MRC1: variants seen among roughly 807,000 people sequenced by gnomAD.
The protein encoded by MRC1 is mannose receptor C-type 1.
A neutral mutation model predicts 102.9 loss-of-function variants in MRC1; 62 were observed. The ratio of observed to expected loss-of-function variants is 0.60; its 90% CI spans 0.49 to 0.74. The LOEUF is 0.74. MRC1 is among the 30% of genes least tolerant of loss of function. The probability of loss-of-function intolerance (pLI) is 0.00; values close to 1 mark genes in which losing one functional copy is unlikely to be tolerated. For synonymous variants in MRC1, 457 were observed against 298.4 expected, an observed-to-expected ratio of 1.53 and a Z score of -5.48; for missense variants, 1,237 against 862.8, an observed-to-expected ratio of 1.43 and a Z score of -5.43.
chr10:17,817,781 A>G (rs1169391670), intron 1 of MRC1, among the ~76,000 whole-genome samples: 2 of 152,308 alleles, frequency 1.3e-5, no homozygotes, highest in Admixed American at 1.3e-4. Context: ...ATTGGTATGG[A>G]CAAAAATAGA....
chr10:17,845,409 C>T lies in MRC1; in HGVS notation c.1037C>T (p.Thr346Ile). 1.3e-6 allele frequency: 1 copy of T among 780,850 alleles called. No individual in the cohort carries two copies. The highest frequency in any genetic ancestry group is 1.3e-5 in the South Asian group (1 of 74,618). The allele number at this position is 780,850 out of a possible 1,614,324, so 48.4% of individuals were successfully genotyped here. The change falls in exon 6 of 30, where the codon ACT becomes ATT. Residue 346 changes from threonine to isoleucine, a missense_variant. Transcript: ENST00000569591. ...TATATTTGCAAAAAGGGCAACACCACTTTAAATTCTTTTGTTATTCCCTCA... is the reference window on the plus strand; with the variant it reads ...TATATTTGCAAAAAGGGCAACACCATTTTAAATTCTTTTGTTATTCCCTCA... ...LGYICKKGNTTLNSFVIPSES... is the reference protein window; with the variant it reads ...LGYICKKGNTILNSFVIPSES...
intron 28 of MRC1, 135 bp from the exon 29 acceptor site, chr10:17,909,171 A>G: frequency 5.9e-6 from 4 of 673,944 alleles, no homozygotes; most frequent in Non-Finnish European, 8.1e-6. Context: ...TTTTATATCT[A>G]TCATATCATA....
chr10:17,886,305 TTCCTTCCTTCCC>T (rs1431893353), intron 22 of MRC1, among the ~76,000 whole-genome samples: 1 of 151,350 alleles, frequency 6.6e-6, no homozygotes, highest in Non-Finnish European at 1.5e-5. Flanking sequence ...CCTTCCTTCC[TTCCTTCCTTCCC>T]TCCTTCCTTC....
At chr10:17,838,970 C>T (rs1554839654) in intron 4 of MRC1, among the ~76,000 whole-genome samples, 51,201 of 151,968 alleles carry the variant, frequency 0.34, 8,890 homozygotes, top group Middle Eastern at 0.45. Context: ...TGGACAACAC[C>T]CATCTGCTTT....
At chr10:17,859,847 T>C in intron 9 of MRC1, among the ~76,000 whole-genome samples, 2 of 152,226 alleles carry the variant, frequency 1.3e-5, no homozygotes, top group East Asian at 3.8e-4. Flanking sequence ...CTGTCACTCA[T>C]CTGCAGCACA....
chr10:17,837,887 C>T (rs1003183473), intron 4 of MRC1, among the ~76,000 whole-genome samples: 2 of 152,036 alleles, frequency 1.3e-5, no homozygotes, highest in African/African-American at 4.8e-5. Flanking sequence ...AGGCGTGAGC[C>T]ACCATGCTCG....
intron 5 of MRC1, among the ~76,000 whole-genome samples, chr10:17,843,926 G>T (rs1225182978): frequency 6.6e-6 from 1 of 152,186 alleles, no homozygotes; most frequent in Non-Finnish European, 1.5e-5. Flanking sequence ...ACAGAATGTG[G>T]CTCATTCACC....
intron 5 of MRC1, among the ~76,000 whole-genome samples, chr10:17,843,550 A>C (rs1345866822): frequency 6.6e-6 from 1 of 152,120 alleles, no homozygotes; most frequent in Non-Finnish European, 1.5e-5. Flanking sequence ...TTGTAGTCCC[A>C]GCTACTCAGG....
At chr10:17,858,637 G>T in intron 9 of MRC1, among the ~76,000 whole-genome samples, 1 of 152,272 alleles carries the variant, frequency 6.6e-6, no homozygotes, top group African/African-American at 2.4e-5. Context: ...ATAGGCACAA[G>T]CTACCATGCC....
chr10:17,865,312 A>C (rs1160714328), intron 11 of MRC1: 1 of 152,240 alleles, frequency 6.6e-6, no homozygotes, highest in Non-Finnish European at 1.5e-5. Flanking sequence ...ACTTTCTGAA[A>C]CATAGCAAGA....
intron 4 of MRC1, among the ~76,000 whole-genome samples, chr10:17,838,390 C>T (rs1421830672): frequency 6.6e-6 from 1 of 152,048 alleles, no homozygotes; most frequent in Non-Finnish European, 1.5e-5. Flanking sequence ...AATGTTGGGA[C>T]GCTCTATGGA....
chr10:17,853,250 T>C (rs1833012254), intron 8 of MRC1, 126 bp downstream of exon 8: 1 of 705,616 alleles, frequency 1.4e-6, no homozygotes, highest in Admixed American at 2.0e-5. Flanking sequence ...GGATCAAAGG[T>C]GAACCAAAAT....
At chr10:17,888,698 G>A (rs1833634173) in intron 22 of MRC1, among the ~76,000 whole-genome samples, 1 of 152,096 alleles carries the variant, frequency 6.6e-6, no homozygotes, top group Non-Finnish European at 1.5e-5. Flanking sequence ...GTCTGTCTTG[G>A]TGAATGTTTC....
In MRC1 at chr10:17,910,812, CCCAA is replaced by C. The variant is rs1833959064; in HGVS notation, c.*348_*351del. ...GCTTCTTGGCATATTTTAAGGAGCT[CCCAA>C]AATGTGTTACCTATTAAATTGTAAC... On this transcript the variant is annotated 3_prime_UTR_variant, in exon 30 of 30. Transcript: ENST00000569591. 1 of 256,164 alleles carries C rather than the reference CCCAA, an allele frequency of 3.9e-6. No individual in the cohort carries two copies. Among genetic ancestry groups the C allele is most frequent in the African/African-American group, 2.3e-5 (1 of 44,020 alleles). 15.9% of individuals were successfully genotyped at this position (256,164 alleles called of 1,614,324 possible).
intron 29 of MRC1, among the ~76,000 whole-genome samples, chr10:17,909,994 A>G (rs2130729055): frequency 6.6e-6 from 1 of 152,358 alleles, no homozygotes; most frequent in African/African-American, 2.4e-5. Flanking sequence ...CCACTGCTAC[A>G]TAGACAGATG....
Position 17,872,024 on chromosome 10 carries a change from C to G in MRC1, c.2242C>G (p.Gln748Glu). 1 of 780,576 alleles carries G rather than the reference C, an allele frequency of 1.3e-6. No homozygotes were observed. Among genetic ancestry groups the G allele is most frequent in the Non-Finnish European group, 2.4e-6 (1 of 417,808 alleles). The allele number at this position is 780,576 out of a possible 1,614,324, so 48.4% of individuals were successfully genotyped here. A position where few individuals can be genotyped will look rare whatever the true frequency, so the allele number is the denominator to read the frequency against. Residue 748 changes from glutamine to glutamate, a missense_variant, in exon 15 of 30, where the codon CAA becomes GAA. Physicochemically the swap from Gln to Glu is conservative, Grantham distance 29. Transcript: ENST00000569591. ...GGCTTATGGAGAACCTAATAATTAT[C>G]AAAATGTTGAATACTGTGGTGAGCT... is the stretch of plus-strand genomic sequence containing the variant. ...NWAYGEPNNY[Q>E]NVEYCGELKG...
Position 17,878,064 on chromosome 10 carries a change from A to T in MRC1, c.2618+97A>T, listed in dbSNP as rs906557521. ...ATTTTTCTTTGTGGAATGCATTTTT[A>T]AAAATCCTACAGCATTCTCAATTGA... On this transcript the variant is annotated intron_variant, in intron 18 of 29. Transcript: ENST00000569591. 2.7e-3 allele frequency: 2,108 copies of T among 775,526 alleles called. 72 individuals carry two copies. In the Admixed American group the frequency reaches 0.038, roughly 14 times the overall value. The allele number at this position is 775,526 out of a possible 1,614,324, so 48.0% of individuals were successfully genotyped here.
Position 17,910,666 on chromosome 10 carries a change from G to T in MRC1, c.*201G>T. 1.6e-6 allele frequency: 1 copy of T among 626,574 alleles called. No homozygotes were observed. Among genetic ancestry groups the T allele is most frequent in the South Asian group, 1.9e-5 (1 of 53,222 alleles). The allele number at this position is 626,574 out of a possible 1,614,324, so 38.8% of individuals were successfully genotyped here. On this transcript the variant is annotated 3_prime_UTR_variant, in exon 30 of 30. Coordinates refer to ENST00000569591, the MANE Select transcript of MRC1 (RefSeq NM_002438.4). ...TTCATAAAAGAGGGATAACAATGCTGATTACTACCTTTTAAAATATTTTAG... is the reference window on the plus strand; with the variant it reads ...TTCATAAAAGAGGGATAACAATGCTTATTACTACCTTTTAAAATATTTTAG...
intron 10 of MRC1, chr10:17,863,075 G>A (rs1833207775): frequency 6.4e-6 from 1 of 157,032 alleles, no homozygotes; most frequent in African/African-American, 2.4e-5. Flanking sequence ...TAAAATTGAG[G>A]GGGGAAATTC....
Sources: gnomAD v4.1 joint callset for allele counts (sites outside exome capture counted in the v4.1 genomes callset) on GRCh38, gnomAD v4.1.1 for gene constraint, MANE v1.5 for transcripts, NCBI Gene and HGNC (gene_info 2026-07-23, HGNC 2026-07-21) for gene names.